Variants in APLP2 observed in about 807,000 individuals in gnomAD.
APLP2 encodes amyloid beta precursor like protein 2, also known as CDEI box-binding protein.
In APLP2, 53 loss-of-function variants were observed where a neutral mutation model predicts 89.9. The ratio of observed to expected loss-of-function variants is 0.59; its 90% CI spans 0.47 to 0.74. APLP2 has a LOEUF of 0.74. APLP2 is among the 30% of genes least tolerant of loss of function. The pLI, the probability that APLP2 is intolerant of heterozygous loss-of-function variation, is 0.00. For synonymous variants in APLP2, 372 were observed against 348.6 expected, an observed-to-expected ratio of 1.07 and a Z score of -0.75; for missense variants, 973 against 975.9, an observed-to-expected ratio of 1.00 and a Z score of 0.04.
intron 9 of APLP2, 117 bp downstream of exon 9, chr11:130,127,957 A>G: frequency 1.2e-6 from 1 of 840,114 alleles, no homozygotes; most frequent in East Asian, 2.7e-5. Context: ...GAGGGCTTAC[A>G]AGGAAGTTGT....
rs1565606680 is a variant in APLP2 at position 130,141,325 on chromosome 11, A to AG, written c.1924-169dup. 1.6e-6 allele frequency: 1 copy of AG among 606,454 alleles called. No individual in the cohort carries two copies. Among genetic ancestry groups the AG allele is most frequent in the African/African-American group, 1.9e-5 (1 of 53,782 alleles). 37.6% of individuals were successfully genotyped at this position (606,454 alleles called of 1,614,324 possible). Reference sequence around the variant, plus strand: ...TTCCCTCCATACCTGCCCCTTCATTAGGGGTTTGGGGAGTGGATTTGGAAG... The same window carrying AG: ...TTCCCTCCATACCTGCCCCTTCATTAGGGGGTTTGGGGAGTGGATTTGGAAG... On this transcript the variant is annotated intron_variant, in intron 14 of 16. Transcript: ENST00000338167. This position sits in a 1 kb window ranked among gnomAD's most constrained non-coding sequence, Gnocchi z 4.2.
rs1287085098 is a variant in APLP2, at chr11:130,126,836, C to T, written c.1221+6C>T. Reference sequence around the variant, plus strand: ...ACCGCAACCGAATGGACAGGGTAAACCTTGACAATTTCTTCATCTTCATGG... The same window carrying T: ...ACCGCAACCGAATGGACAGGGTAAATCTTGACAATTTCTTCATCTTCATGG... On this transcript the variant is annotated splice_donor_region_variant and intron_variant, in intron 8 of 16. Coordinates refer to ENST00000338167, the MANE Select transcript of APLP2 (RefSeq NM_001142276.2). The T allele has an allele frequency of 1.9e-6, 3 of 1,614,062 alleles. No homozygotes were observed. The South Asian group carries it at 3.3e-5, about 18-fold the overall frequency.
intron 11 of APLP2, among the ~76,000 whole-genome samples, chr11:130,131,574 C>G (rs943515341): frequency 2.6e-5 from 4 of 152,170 alleles, no homozygotes; most frequent in African/African-American, 7.2e-5. Context: ...CTGGATGTAG[C>G]AGAAGAGGAG....
At position 130,129,176 on chromosome 11, in the gene APLP2, C is replaced by T. The variant is rs773578226; in HGVS notation, c.1425C>T (p.Tyr475=). Reference sequence around the variant, plus strand: ...GCCGTCGGATGGCTCTGGAGAACTACCTGGCTGCCTTGCAGTCTGACCCGC... The same window carrying T: ...GCCGTCGGATGGCTCTGGAGAACTATCTGGCTGCCTTGCAGTCTGACCCGC... ...NDRRRMALEN[Y]LAALQSDPPR... is the part of the protein sequence containing the mutation. Residue 475 remains tyrosine (Y), a synonymous_variant, in exon 10 of 17, where the codon TAC becomes TAT. Transcript: ENST00000338167. 5 of 1,613,886 alleles carry T rather than the reference C, an allele frequency of 3.1e-6. No individual in the cohort carries two copies. In the East Asian group the frequency reaches 1.1e-4, roughly 36 times the overall value.
intron 1 of APLP2, among the ~76,000 whole-genome samples, chr11:130,103,228 G>T (rs899767379): frequency 6.6e-6 from 1 of 152,212 alleles, no homozygotes; most frequent in Non-Finnish European, 1.5e-5. Flanking sequence ...TTACACCCTA[G>T]GTAGGGTTGG....
At chr11:130,096,424 A>G (rs1946219124) in intron 1 of APLP2, among the ~76,000 whole-genome samples, 1 of 152,158 alleles carries the variant, frequency 6.6e-6, no homozygotes, top group South Asian at 2.1e-4. Context: ...AGTAGTACAA[A>G]AGTGCTGTTG....
intron 1 of APLP2, among the ~76,000 whole-genome samples, chr11:130,106,238 C>G (rs1947735580): frequency 6.6e-6 from 1 of 152,146 alleles, no homozygotes; most frequent in African/African-American, 2.4e-5. Context: ...TCATGGGAGC[C>G]AAACTTGAAC....
Position 130,109,547 on chromosome 11 carries a change from C to T in APLP2, c.224C>T (p.Thr75Ile), listed in dbSNP as rs1341611990. 1 of 1,613,524 alleles carries T rather than the reference C, an allele frequency of 6.2e-7. No individual in the cohort carries two copies. Among genetic ancestry groups the T allele is most frequent in the Non-Finnish European group, 8.5e-7 (1 of 1,179,728 alleles). ...ACTGGGAAATGGGAACCTGATCCAA[C>T]AGGCACCAAGAGCTGCTTTGAAACA... The part of the protein sequence containing the change: ...IQTGKWEPDP[T>I]GTKSCFETKE... The change falls in exon 2 of 17, where the codon ACA becomes ATA. Residue 75 changes from threonine (T) to isoleucine (I), a missense_variant. Transcript: ENST00000338167.
At position 130,121,739 on chromosome 11, in the gene APLP2, A is replaced by G; in HGVS notation, c.642A>G (p.Lys214=). The G allele has an allele frequency of 6.2e-7, 1 of 1,613,216 alleles. No homozygotes were observed. ...PQTKIIGSVS[K]EEEEEDEEEE... is the part of the protein sequence containing the mutation. ...CAAAGATTATTGGATCTGTGTCAAA[A>G]GAAGAGGAAGAGGAAGATGAAGAGG... is the stretch of plus-strand genomic sequence containing the variant. The change falls in exon 5 of 17, where the codon AAA becomes AAG. Residue 214 remains lysine (K), a synonymous_variant. Coordinates refer to ENST00000338167, the MANE Select transcript of APLP2 (RefSeq NM_001142276.2).
Position 130,110,636 on chromosome 11 carries a change from C to G in APLP2, c.378C>G (p.Arg126=). ...CRRDKKQCKS[R]FVTPFKCLVG... ...GGGACAAAAAGCAATGCAAGAGTCGCTTTGTTACACCTTTCAAGTGTCTCG... is the reference window on the plus strand; with the variant it reads ...GGGACAAAAAGCAATGCAAGAGTCGGTTTGTTACACCTTTCAAGTGTCTCG... Residue 126 remains arginine, a synonymous_variant, in exon 3 of 17, where the codon CGC becomes CGG. Transcript: ENST00000338167. 6.2e-7 allele frequency: 1 copy of G among 1,613,650 alleles called. No individual in the cohort carries two copies. Among genetic ancestry groups the G allele is most frequent in the Non-Finnish European group, 8.5e-7 (1 of 1,179,892 alleles).
chr11:130,138,159 G>T (rs1227504468), intron 13 of APLP2, among the ~76,000 whole-genome samples: 1 of 152,144 alleles, frequency 6.6e-6, no homozygotes, highest in Non-Finnish European at 1.5e-5. Context: ...AACATTTCTT[G>T]TTCATAATGT....
chr11:130,083,304 T>C (rs2135435259), intron 1 of APLP2, among the ~76,000 whole-genome samples: 1 of 152,254 alleles, frequency 6.6e-6, no homozygotes, highest in East Asian at 1.9e-4. Flanking sequence ...CCAAGTGCTG[T>C]GATTGCAGGT....
chr11:130,129,665 G>A (rs1186854951), intron 10 of APLP2, among the ~76,000 whole-genome samples: 1 of 152,176 alleles, frequency 6.6e-6, no homozygotes, highest in East Asian at 1.9e-4. Context: ...GGAAAGTATT[G>A]GGAGGATATT....
At chr11:130,110,419 CT>C (rs1291666412) in intron 2 of APLP2, 118 bp from the exon 3 acceptor site, 1 of 1,234,444 alleles carries the variant, frequency 8.1e-7, no homozygotes, top group East Asian at 2.4e-5. Flanking sequence ...TGGAGTGGAA[CT>C]TTAGATGTAT....
rs1946974156 is a variant in APLP2, at chr11:130,101,868, C to A, written c.106-7561C>A. The A allele has an allele frequency of 9.0e-6, 4 of 444,434 alleles. No homozygotes were observed. The Admixed American group carries it at 1.0e-4, about 11-fold the overall frequency. The allele number at this position is 444,434 out of a possible 1,614,324, so 27.5% of individuals were successfully genotyped here. ...GCAGTTTTTCCACTAATGTCCTTTTCCTGTTCCGGGATCCTGTCCAGGCGC... is the reference window on the plus strand; with the variant it reads ...GCAGTTTTTCCACTAATGTCCTTTTACTGTTCCGGGATCCTGTCCAGGCGC... On this transcript the variant is annotated intron_variant, in intron 1 of 16. Coordinates refer to ENST00000338167, the MANE Select transcript of APLP2 (RefSeq NM_001142276.2).
intron 12 of APLP2, among the ~76,000 whole-genome samples, chr11:130,135,151 G>A (rs1951421150): frequency 1.3e-5 from 2 of 150,858 alleles, no homozygotes; most frequent in Non-Finnish European, 1.5e-5. Flanking sequence ...TAGTAATATC[G>A]TACTATATAC....
chr11:130,126,512 G>GTC (rs1318564954), intron 7 of APLP2, among the ~76,000 whole-genome samples, 188 bp from the exon 8 acceptor site: 20 of 152,336 alleles, frequency 1.3e-4, no homozygotes, highest in South Asian at 1.2e-3. Context: ...CATGGTTGAT[G>GTC]AATATTGTGT....
At chr11:130,082,658 TG>T in intron 1 of APLP2, 1 of 173,038 alleles carries the variant, frequency 5.8e-6, no homozygotes, top group Non-Finnish European at 1.3e-5. Context: ...TAAGAACTCC[TG>T]GTCTCCCAGC....
rs773180774 is a variant in APLP2 at position 130,127,778 on chromosome 11, T to A, written c.1234T>A (p.Trp412Arg). 6.2e-7 allele frequency: 1 copy of A among 1,614,090 alleles called. No homozygotes were observed. Among genetic ancestry groups the A allele is most frequent in the African/African-American group, 1.3e-5 (1 of 75,020 alleles). Residue 412 changes from tryptophan (W) to arginine (R), a missense_variant, in exon 9 of 17, where the codon TGG becomes AGG. By Grantham distance (101) the Trp-to-Arg change is moderately radical. Transcript: ENST00000338167. ...ACCTTTGTTCTAGGTAAAGAAGGAATGGGAAGAGGCAGAGCTTCAAGCTAA... is the reference window on the plus strand; with the variant it reads ...ACCTTTGTTCTAGGTAAAGAAGGAAAGGGAAGAGGCAGAGCTTCAAGCTAA... ...RNRMDRVKKE[W>R]EEAELQAKNL...
Sources: allele counts gnomAD v4.1 joint callset (sites outside exome capture counted in the v4.1 genomes callset), GRCh38; gene constraint gnomAD v4.1.1; non-coding constraint Gnocchi (gnomAD v3.1); transcripts MANE v1.5; gene names NCBI Gene and HGNC (gene_info 2026-07-23, HGNC 2026-07-21).